The following CRTC1 variants were observed in gnomAD, a reference collection of about 807,000 sequenced individuals.
CRTC1 encodes the protein CREB-regulated transcription coactivator 1.
In CRTC1, 18 loss-of-function variants were observed where a neutral mutation model predicts 66.1. The ratio of observed to expected loss-of-function variants is 0.27; its 90% CI spans 0.19 to 0.40. CRTC1 has a LOEUF of 0.40. Ranked by LOEUF, CRTC1 falls within the 10% of genes least tolerant of loss-of-function variation. The probability of loss-of-function intolerance (pLI) is 1.00; values close to 1 mark genes in which losing one functional copy is unlikely to be tolerated. For missense variants in CRTC1, 669 were observed against 887.9 expected, an observed-to-expected ratio of 0.75 and a Z score of 3.13; for synonymous variants, 416 against 398.8, an observed-to-expected ratio of 1.04 and a Z score of -0.51.
chr19:18,729,989 C>A (rs1254979363), intron 1 of CRTC1, among the ~76,000 whole-genome samples: 7 of 152,128 alleles, frequency 4.6e-5, no homozygotes, highest in African/African-American at 1.7e-4. Flanking sequence ...CTGCCACACC[C>A]CACCCAGGGG....
intron 11 of CRTC1, 55 bp from the exon 12 acceptor site, chr19:18,774,845 G>A (rs1010013241): frequency 3.7e-5 from 58 of 1,572,092 alleles, no homozygotes; most frequent in African/African-American, 5.4e-5. Flanking sequence ...GGGAGGTGCC[G>A]ACTTCCCACC....
intron 1 of CRTC1, among the ~76,000 whole-genome samples, chr19:18,734,886 G>C (rs1360124010): frequency 2.0e-5 from 3 of 152,178 alleles, no homozygotes; most frequent in South Asian, 2.1e-4. Context: ...CCAGTGCCTG[G>C]AGGTGGGCAG....
chr19:18,780,310 C>A lies in CRTC1; in HGVS notation c.*2928C>A, dbSNP rs1187391855. ...TACGGCGAAGTTCAGCCAGGGCTCT[C>A]CCTCCTGAGAGCATGGCGTCCCCAC... is the stretch of plus-strand genomic sequence containing the variant. On this transcript the variant is annotated 3_prime_UTR_variant, in exon 14 of 14. Coordinates refer to ENST00000321949, the MANE Select transcript of CRTC1 (RefSeq NM_015321.3). 2 of 231,842 alleles carry A rather than the reference C, an allele frequency of 8.6e-6. No individual in the cohort carries two copies. The highest frequency in any genetic ancestry group is 1.7e-5 in the Non-Finnish European group (2 of 117,174). 14.4% of individuals were successfully genotyped at this position (231,842 alleles called of 1,614,324 possible).
Position 18,688,426 on chromosome 19 carries a change from TTTTGTTTG to T in CRTC1, c.126+4618_126+4625del, listed in dbSNP as rs567006329. 2.4e-4 allele frequency among the ~76,000 whole-genome samples: 37 copies of T among 151,620 alleles called. 1 individual carries two copies. The highest frequency in any genetic ancestry group is 5.6e-4 in the African/African-American group (23 of 41,176). On this transcript the variant is annotated intron_variant, in intron 1 of 13. Coordinates refer to ENST00000321949, the MANE Select transcript of CRTC1 (RefSeq NM_015321.3). Reference sequence around the variant, plus strand: ...GGGGTCTGGGAAGCCTCCCTGCTTGTTTTGTTTGTTTGTTTGTTTGTTTGTTTTTTTGA... The same window carrying T: ...GGGGTCTGGGAAGCCTCCCTGCTTGTTTTGTTTGTTTGTTTGTTTTTTTGA...
At chr19:18,774,313 C>G (rs2054935685) in intron 11 of CRTC1, among the ~76,000 whole-genome samples, 1 of 152,248 alleles carries the variant, frequency 6.6e-6, no homozygotes, top group Non-Finnish European at 1.5e-5. Flanking sequence ...CACCCTGCCT[C>G]TGAGAGCCCT....
intron 8 of CRTC1, among the ~76,000 whole-genome samples, chr19:18,761,875 C>T (rs759128336): frequency 1.3e-5 from 2 of 152,054 alleles, no homozygotes; most frequent in Non-Finnish European, 2.9e-5. Context: ...CCAGCCCGAG[C>T]GCATTGAGGC....
intron 1 of CRTC1, among the ~76,000 whole-genome samples, chr19:18,697,548 A>G (rs550337609): frequency 3.3e-5 from 5 of 152,092 alleles, no homozygotes; most frequent in Admixed American, 6.6e-5. Flanking sequence ...GACCTCAAGT[A>G]ATTCTCCCTC....
At chr19:18,704,653 A>G (rs1255451242) in intron 1 of CRTC1, among the ~76,000 whole-genome samples, 4 of 152,146 alleles carry the variant, frequency 2.6e-5, no homozygotes, top group Non-Finnish European at 5.9e-5. Context: ...CAGAGGTTGC[A>G]GTGAGCCATG....
At chr19:18,712,425 T>C (rs761415542) in intron 1 of CRTC1, among the ~76,000 whole-genome samples, 8 of 151,798 alleles carry the variant, frequency 5.3e-5, no homozygotes, top group Admixed American at 1.3e-4. Context: ...ACCCAGCTAA[T>C]TTTTTTGTAT....
chr19:18,743,628 CT>C (rs1446824723), intron 2 of CRTC1, among the ~76,000 whole-genome samples: 1 of 138,744 alleles, frequency 7.2e-6, no homozygotes, highest in Non-Finnish European at 1.5e-5. Flanking sequence ...ACAGGTCCCC[CT>C]GGGGGGGGGT....
intron 1 of CRTC1, among the ~76,000 whole-genome samples, chr19:18,731,893 C>T (rs2053898014): frequency 6.6e-6 from 1 of 152,208 alleles, no homozygotes; most frequent in African/African-American, 2.4e-5. Flanking sequence ...TGGAGCCCGA[C>T]CCAGGAACCC....
chr19:18,774,980 C>T lies in CRTC1; in HGVS notation c.1506C>T (p.Ser502=), dbSNP rs764830249. 13 of 1,605,226 alleles carry T rather than the reference C, an allele frequency of 8.1e-6. No individual in the cohort carries two copies. The African/African-American group carries it at 1.7e-4, about 21-fold the overall frequency. The change falls in exon 12 of 14, where the codon TCC becomes TCT. Residue 502 remains serine (S), a synonymous_variant. Transcript: ENST00000321949. ...QMAARQANAL[S]HQLEQFNMME... ...CGGCCAGGCAGGCCAATGCTCTGTC[C>T]CACCAGGTGAGCGGGCGCCCAGGCT... is the stretch of plus-strand genomic sequence containing the variant.
chr19:18,726,929 GAAAAAAAAAAAAAA>G (rs57708407), intron 1 of CRTC1, among the ~76,000 whole-genome samples: 4 of 111,908 alleles, frequency 3.6e-5, no homozygotes, highest in African/African-American at 1.4e-4. Flanking sequence ...CCGTCTTGGG[GAAAAAAAAAAAAAA>G]AAAAAAAAAG....
chr19:18,701,100 C>A (rs1320473365), intron 1 of CRTC1, among the ~76,000 whole-genome samples: 1 of 152,220 alleles, frequency 6.6e-6, no homozygotes, highest in Non-Finnish European at 1.5e-5. Flanking sequence ...GCGGCCTCGG[C>A]CTCTGTTCGG....
At chr19:18,758,374 AAG>A (rs1491169433) in intron 6 of CRTC1, among the ~76,000 whole-genome samples, 2 of 149,338 alleles carry the variant, frequency 1.3e-5, no homozygotes, top group East Asian at 1.9e-4. Context: ...AAAAAAAAAA[AAG>A]AAAGAAAAAA....
chr19:18,748,908 T>C (rs2054304922), intron 4 of CRTC1, among the ~76,000 whole-genome samples: 1 of 152,152 alleles, frequency 6.6e-6, no homozygotes, highest in Non-Finnish European at 1.5e-5. Context: ...TGAATGGAGC[T>C]TTATGGAGTG....
chr19:18,693,844 C>T (rs904727754), intron 1 of CRTC1, among the ~76,000 whole-genome samples: 12 of 151,414 alleles, frequency 7.9e-5, no homozygotes, highest in African/African-American at 1.2e-4. Flanking sequence ...TGAAAATTAG[C>T]CTGGGCTGGG....
chr19:18,759,891 G>A (rs56069006), intron 7 of CRTC1, 117 bp from the exon 8 acceptor site: 27,675 of 838,526 alleles, frequency 0.033, 584 homozygotes, highest in Non-Finnish European at 0.044. Flanking sequence ...CCAAGCACAC[G>A]GCACCTGATG....
At position 18,765,418 on chromosome 19, in the gene CRTC1, G is replaced by A; in HGVS notation, c.901G>A (p.Gly301Ser). Reference protein sequence around the residue: ...GGAGQGMSTPGSSPQHRPAGV... With the variant: ...GGAGQGMSTPSSSPQHRPAGV... ...TTCCTCTCTAGGAATGAGCACACCT[G>A]GCTCCTCTCCACAGCACCGCCCAGC... is the stretch of plus-strand genomic sequence containing the variant. The change falls in exon 9 of 14, where the codon GGC (glycine) becomes AGC (serine). Residue 301 changes from glycine to serine, a missense_variant. This residue lies in a region of CRTC1 where 241 missense variants were observed against 242.2 expected (regional missense o/e 0.99). Transcript: ENST00000321949. The A allele has an allele frequency of 6.2e-7, 1 of 1,612,720 alleles. No individual in the cohort carries two copies. Among genetic ancestry groups the A allele is most frequent in the Admixed American group, 1.7e-5 (1 of 59,964 alleles).
Sources: allele counts gnomAD v4.1 joint callset (sites outside exome capture counted in the v4.1 genomes callset), GRCh38; gene constraint gnomAD v4.1.1; regional missense constraint gnomAD v4.1.1; transcripts MANE v1.5; gene names NCBI Gene and HGNC (gene_info 2026-07-23, HGNC 2026-07-21).